Variants in GPC5 observed in about 807,000 individuals in gnomAD.
GPC5 encodes glypican 5, also known as glypican-5.
A neutral mutation model predicts 53.9 loss-of-function variants in GPC5; 47 were observed. That is an observed-to-expected ratio of 0.87 (90% CI 0.69 to 1.11). The LOEUF (loss-of-function observed/expected upper bound fraction) is 1.11. Among genes scored for constraint, GPC5 ranks in the 50% most tolerant of loss-of-function variants. GPC5 has a pLI of 0.00. For synonymous variants in GPC5, 286 were observed against 263.3 expected (o/e 1.09, Z -0.84); for missense variants, 748 against 713.1 (o/e 1.05, Z -0.56).
intron 2 of GPC5, among the ~76,000 whole-genome samples, chr13:91,633,190 T>C (rs2034202505): frequency 6.6e-6 from 1 of 152,162 alleles, no homozygotes; most frequent in Non-Finnish European, 1.5e-5. Flanking sequence ...CCTCCTTCAG[T>C]GTTGCAAATG....
intron 7 of GPC5, among the ~76,000 whole-genome samples, chr13:92,341,020 A>T (rs568882332): frequency 1.3e-5 from 2 of 152,106 alleles, no homozygotes; most frequent in African/African-American, 4.8e-5. Context: ...GTCCATCTTC[A>T]TTTTTTTTAA....
At chr13:91,404,976 A>G (rs1302500489) in intron 1 of GPC5, among the ~76,000 whole-genome samples, 3 of 152,180 alleles carry the variant, frequency 2.0e-5, no homozygotes, top group Non-Finnish European at 4.4e-5. Flanking sequence ...CCCATTTCCC[A>G]TGCTGTTAAA....
At chr13:92,069,604 C>T (rs899810686) in intron 6 of GPC5, among the ~76,000 whole-genome samples, 1 of 152,094 alleles carries the variant, frequency 6.6e-6, no homozygotes, top group Non-Finnish European at 1.5e-5. Context: ...GGTGGTACTA[C>T]TATTGAACAT....
intron 6 of GPC5, among the ~76,000 whole-genome samples, chr13:92,078,989 C>G (rs1204620096): frequency 6.6e-6 from 1 of 152,170 alleles, no homozygotes; most frequent in African/African-American, 2.4e-5. Context: ...TGGCCTCACT[C>G]TTTCCTAACT....
chr13:92,332,442 T>A (rs1284560967), intron 7 of GPC5, among the ~76,000 whole-genome samples: 1 of 152,164 alleles, frequency 6.6e-6, no homozygotes, highest in African/African-American at 2.4e-5. Flanking sequence ...TCTTACCCCA[T>A]CCTAGTTTCA....
chr13:91,709,736 G>A (rs147846365), intron 3 of GPC5, among the ~76,000 whole-genome samples: 21 of 152,264 alleles, frequency 1.4e-4, no homozygotes, highest in Non-Finnish European at 1.6e-4. Context: ...GAGACTGTTG[G>A]TTGTGCTTAC....
At chr13:92,538,280 C>T (rs1365643963) in intron 7 of GPC5, among the ~76,000 whole-genome samples, 1 of 151,764 alleles carries the variant, frequency 6.6e-6, no homozygotes, top group East Asian at 2.0e-4. Flanking sequence ...CCCTTTTCCT[C>T]CTTTTTCTTT....
chr13:92,626,942 A>G (rs996769835), intron 7 of GPC5, among the ~76,000 whole-genome samples: 8 of 152,166 alleles, frequency 5.3e-5, no homozygotes, highest in African/African-American at 1.4e-4. Flanking sequence ...TATAACATCA[A>G]ATAATAACAT....
chr13:91,514,610 T>C (rs1049637564), intron 2 of GPC5, among the ~76,000 whole-genome samples: 31 of 152,168 alleles, frequency 2.0e-4, no homozygotes, highest in African/African-American at 7.5e-4. Flanking sequence ...AAAATCCATC[T>C]AGGAAGTAAA....
chr13:92,238,273 G>A, intron 7 of GPC5, among the ~76,000 whole-genome samples: 1 of 151,868 alleles, frequency 6.6e-6, no homozygotes, highest in East Asian at 1.9e-4. Context: ...TCTGTACACT[G>A]CTGTACAGAG....
At chr13:92,238,352 A>G (rs1299663187) in intron 7 of GPC5, among the ~76,000 whole-genome samples, 1 of 151,912 alleles carries the variant, frequency 6.6e-6, no homozygotes, top group African/African-American at 2.4e-5. Context: ...CATCCTCACC[A>G]ATACTTATCA....
chr13:91,871,436 A>G (rs1036940427), intron 5 of GPC5, among the ~76,000 whole-genome samples: 1 of 152,116 alleles, frequency 6.6e-6, no homozygotes, highest in African/African-American at 2.4e-5. Context: ...AATGATATAT[A>G]CAACAAATCC....
At chr13:91,617,206 G>A (rs995654990) in intron 2 of GPC5, among the ~76,000 whole-genome samples, 53 of 152,244 alleles carry the variant, frequency 3.5e-4, no homozygotes, top group African/African-American at 1.1e-3. Context: ...AGCAAAATGC[G>A]TAAACATATA....
At chr13:92,028,075 C>T (rs183145058) in intron 6 of GPC5, among the ~76,000 whole-genome samples, 32 of 152,274 alleles carry the variant, frequency 2.1e-4, no homozygotes, top group African/African-American at 7.7e-4. Flanking sequence ...CTACTACAGA[C>T]TGCTGGTGGA....
chr13:91,524,452 A>AAT (rs1329586471), intron 2 of GPC5, among the ~76,000 whole-genome samples: 1 of 152,204 alleles, frequency 6.6e-6, no homozygotes, highest in Non-Finnish European at 1.5e-5. Context: ...AAATTTAGAT[A>AAT]ATTAATGAAA....
chr13:92,446,403 T>C (rs987238443), intron 7 of GPC5: 9 of 150,646 alleles, frequency 6.0e-5, no homozygotes, highest in African/African-American at 2.0e-4. Context: ...TCCAGTTCCA[T>C]CCATGTTATT....
intron 2 of GPC5, among the ~76,000 whole-genome samples, chr13:91,546,808 T>C (rs1399535732): frequency 1.3e-5 from 2 of 152,106 alleles, no homozygotes; most frequent in African/African-American, 2.4e-5. Flanking sequence ...GCTTATTAAG[T>C]GATCACTTTG....
chr13:91,778,821 A>AAT (rs1185371803), intron 5 of GPC5, among the ~76,000 whole-genome samples: 1 of 152,224 alleles, frequency 6.6e-6, no homozygotes, highest in Non-Finnish European at 1.5e-5. Flanking sequence ...GCCATTGTGG[A>AAT]ATATTATAGA....
At chr13:92,850,657 G>A (rs73630975) in intron 7 of GPC5, among the ~76,000 whole-genome samples, 2 of 152,008 alleles carry the variant, frequency 1.3e-5, no homozygotes, top group Non-Finnish European at 2.9e-5. Flanking sequence ...TGGTAGAGAG[G>A]TTAAAGAAGA....
Sources: allele counts gnomAD v4.1 joint callset (sites outside exome capture counted in the v4.1 genomes callset), GRCh38; gene constraint gnomAD v4.1.1; transcripts MANE v1.5; gene names NCBI Gene and HGNC (gene_info 2026-07-23, HGNC 2026-07-21).